The following CDC42SE2 variants were observed in gnomAD, a reference collection of about 807,000 sequenced individuals.
CDC42SE2 encodes CDC42 small effector protein 2.
A neutral mutation model predicts 11.5 loss-of-function variants in CDC42SE2; 3 were observed. That is an observed-to-expected ratio of 0.26 (90% confidence interval 0.12 to 0.67). The LOEUF is 0.67. CDC42SE2 is among the 30% of genes least tolerant of loss of function. The probability of loss-of-function intolerance (pLI) is 0.80; values close to 1 mark genes in which losing one functional copy is unlikely to be tolerated. For missense variants in CDC42SE2, 82 were observed against 106.8 expected (o/e 0.77, Z 1.02); for synonymous variants, 33 against 34.8 (o/e 0.95, Z 0.18).
chr5:131,267,378 T>G (rs539154433), intron 1 of CDC42SE2, among the ~76,000 whole-genome samples: 2 of 152,234 alleles, frequency 1.3e-5, no homozygotes, highest in South Asian at 4.1e-4. Flanking sequence ...TTTTGTACCT[T>G]AAAAATACTA....
rs1580721019 is a variant in CDC42SE2 at position 131,267,883 on chromosome 5, T to TTTG, written c.-455+3717_-455+3718insTTG. 2.6e-5 allele frequency among the ~76,000 whole-genome samples: 4 copies of TTTG among 152,080 alleles called. No individual in the cohort carries two copies. In the East Asian group the frequency reaches 7.7e-4, roughly 29 times the overall value. On this transcript the variant is annotated intron_variant, in intron 1 of 4. Coordinates refer to ENST00000505065, the MANE Select transcript of CDC42SE2 (RefSeq NM_001375635.1). The stretch of plus-strand genomic sequence containing the variant: ...GATTTTTGTCAAAATTAAAAATGCG[T>TTTG]GTTGGTTTTGATCTGCTGTATTGTT...
At chr5:131,313,880 T>G (rs2149727390) in intron 1 of CDC42SE2, among the ~76,000 whole-genome samples, 1 of 152,290 alleles carries the variant, frequency 6.6e-6, no homozygotes, top group South Asian at 2.1e-4. Flanking sequence ...CTGGCCGTAG[T>G]GCAGTGGCAT....
At chr5:131,272,344 G>C (rs1020201096) in intron 1 of CDC42SE2, among the ~76,000 whole-genome samples, 1 of 151,998 alleles carries the variant, frequency 6.6e-6, no homozygotes, top group Non-Finnish European at 1.5e-5. Flanking sequence ...ATCCTAGTAC[G>C]TTTCCTGATT....
upstream of CDC42SE2, among the ~76,000 whole-genome samples, chr5:131,241,254 G>A (rs1282250690): frequency 6.6e-6 from 1 of 152,026 alleles, no homozygotes; most frequent in South Asian, 2.1e-4. Context: ...GAGCCACCAC[G>A]CCCAGCGGTT....
intron 4 of CDC42SE2, among the ~76,000 whole-genome samples, chr5:131,388,231 G>A (rs1163550449): frequency 6.6e-6 from 1 of 152,104 alleles, no homozygotes; most frequent in East Asian, 1.9e-4. Flanking sequence ...CGGACCTCCG[G>A]TGATCCACCC....
At chr5:131,265,591 A>G (rs983634830) in intron 1 of CDC42SE2, among the ~76,000 whole-genome samples, 6 of 152,208 alleles carry the variant, frequency 3.9e-5, no homozygotes, top group Non-Finnish European at 8.8e-5. Flanking sequence ...TTATTTCCTT[A>G]TTATTGATGT....
intron 1 of CDC42SE2, among the ~76,000 whole-genome samples, chr5:131,314,698 C>A (rs940827827): frequency 8.5e-5 from 13 of 152,088 alleles, no homozygotes; most frequent in Non-Finnish European, 1.5e-4. Context: ...TTAGCATAGC[C>A]TCTTAGTTCA....
intron 1 of CDC42SE2, among the ~76,000 whole-genome samples, chr5:131,310,576 G>T (rs1257700978): frequency 6.6e-6 from 1 of 151,254 alleles, no homozygotes; most frequent in African/African-American, 2.4e-5. Context: ...TAATGTGTGG[G>T]AGTCTAAGTC....
intron 3 of CDC42SE2, among the ~76,000 whole-genome samples, chr5:131,385,219 A>G (rs1239700464): frequency 6.6e-6 from 1 of 152,240 alleles, no homozygotes; most frequent in African/African-American, 2.4e-5. Context: ...CTTTGCCAAC[A>G]ATAATAGTGA....
chr5:131,284,987 T>G (rs750373969), intron 1 of CDC42SE2, among the ~76,000 whole-genome samples: 1 of 151,602 alleles, frequency 6.6e-6, no homozygotes. Flanking sequence ...AGACCCTATC[T>G]CTAAAAAAAC....
chr5:131,341,924 T>C (rs1356635005), intron 2 of CDC42SE2, among the ~76,000 whole-genome samples: 1 of 150,352 alleles, frequency 6.7e-6, no homozygotes, highest in Non-Finnish European at 1.5e-5. Flanking sequence ...TAGCTAATTA[T>C]ACCAAGTAGT....
intron 2 of CDC42SE2, among the ~76,000 whole-genome samples, chr5:131,332,079 T>G (rs779269905): frequency 2.6e-5 from 4 of 152,174 alleles, no homozygotes; most frequent in Non-Finnish European, 4.4e-5. Context: ...AACTTATAAT[T>G]TAGCATTAGG....
chr5:131,257,358 A>G (rs1756686602), intron 2 of CDC42SE2, among the ~76,000 whole-genome samples: 1 of 151,820 alleles, frequency 6.6e-6, no homozygotes, highest in African/African-American at 2.4e-5. Flanking sequence ...CGGCCTCCCA[A>G]AATGCTGGGA....
chr5:131,214,784 G>A, the CDC42SE2 span, among the ~76,000 whole-genome samples: 1 of 152,168 alleles, frequency 6.6e-6, no homozygotes. Flanking sequence ...GGGAAGAGAC[G>A]TAACCTTGGT....
At chr5:131,298,279 T>C (rs951101432) in intron 1 of CDC42SE2, among the ~76,000 whole-genome samples, 1 of 151,814 alleles carries the variant, frequency 6.6e-6, no homozygotes, top group Non-Finnish European at 1.5e-5. Flanking sequence ...ATTTTTATTT[T>C]TTTTTTAAGT....
At chr5:131,266,540 A>G (rs552625575) in intron 1 of CDC42SE2, among the ~76,000 whole-genome samples, 1 of 149,044 alleles carries the variant, frequency 6.7e-6, no homozygotes, top group South Asian at 2.1e-4. Flanking sequence ...GCTTACTGCA[A>G]CCTCCGCCTT....
At chr5:131,315,517 A>C (rs567568022) in intron 1 of CDC42SE2, among the ~76,000 whole-genome samples, 4 of 152,194 alleles carry the variant, frequency 2.6e-5, no homozygotes, top group African/African-American at 4.8e-5. Context: ...GGAGAACTGC[A>C]GAGTCCCATC....
chr5:131,230,711 C>A, the CDC42SE2 span, among the ~76,000 whole-genome samples: 2 of 152,146 alleles, frequency 1.3e-5, no homozygotes, highest in South Asian at 4.1e-4. Flanking sequence ...GGAAAGAAAC[C>A]GAAAACTAAA....
intron 1 of CDC42SE2, among the ~76,000 whole-genome samples, chr5:131,290,575 G>A (rs1022465866): frequency 6.6e-6 from 1 of 150,748 alleles, no homozygotes; most frequent in African/African-American, 2.4e-5. Flanking sequence ...ACCTCCCAGG[G>A]CTCAAATGAT....
Sources: allele counts gnomAD v4.1 joint callset (sites outside exome capture counted in the v4.1 genomes callset), GRCh38; gene constraint gnomAD v4.1.1; transcripts MANE v1.5; gene names NCBI Gene and HGNC (gene_info 2026-07-23, HGNC 2026-07-21).